Variants in ITSN1 observed in about 807,000 individuals in gnomAD.
ITSN1 encodes intersectin-1.
In ITSN1, 58 loss-of-function variants were observed where a neutral mutation model predicts 239.8. That is an observed-to-expected ratio of 0.24 (90% CI 0.20 to 0.30). The LOEUF is 0.30. Ranked by LOEUF, ITSN1 falls within the 10% of genes least tolerant of loss-of-function variation. ITSN1 has a pLI of 1.00. For missense variants in ITSN1, 1,558 were observed against 2,103.3 expected (o/e 0.74, Z 5.07); for synonymous variants, 780 against 770.8 (o/e 1.01, Z -0.20).
Position 33,829,889 on chromosome 21 carries a change from CTG to C in ITSN1, c.3351+148_3351+149del, listed in dbSNP as rs2074191345. The C allele has an allele frequency of 8.6e-6, 8 of 931,914 alleles. No individual in the cohort carries two copies. The East Asian group carries it at 1.9e-4, about 22-fold the overall frequency. 57.7% of individuals were successfully genotyped at this position (931,914 alleles called of 1,614,324 possible). On this transcript the variant is annotated intron_variant, in intron 27 of 39. Coordinates refer to ENST00000381318, the MANE Select transcript of ITSN1 (RefSeq NM_003024.3). ...TGGATAGTGAGAGATGCCAAATTTTCTGTGTTTGTTTGGTTCCTAAGTTTCAG... is the reference window on the plus strand; with the variant it reads ...TGGATAGTGAGAGATGCCAAATTTTCTGTTTGTTTGGTTCCTAAGTTTCAG...
intron 3 of ITSN1, chr21:33,721,856 A>T (rs572959698): frequency 6.6e-6 from 1 of 152,080 alleles, no homozygotes; most frequent in South Asian, 2.1e-4. Flanking sequence ...TAAAAAGTGG[A>T]ATCTTTATTT....
At chr21:33,694,255 G>A (rs932828380) in intron 1 of ITSN1, among the ~76,000 whole-genome samples, 2 of 152,140 alleles carry the variant, frequency 1.3e-5, no homozygotes, top group East Asian at 3.9e-4. Flanking sequence ...TCAAACTCCT[G>A]GGCTCAAGGA....
At chr21:33,820,427 G>A (rs2834266) in intron 24 of ITSN1, among the ~76,000 whole-genome samples, 16,634 of 152,162 alleles carry the variant, frequency 0.11, 1,180 homozygotes, top group East Asian at 0.29. Flanking sequence ...TTCTTTATGG[G>A]TTCCTTGAAT....
intron 26 of ITSN1, among the ~76,000 whole-genome samples, chr21:33,828,344 C>T (rs1308821147): frequency 6.6e-6 from 1 of 152,240 alleles, no homozygotes; most frequent in Non-Finnish European, 1.5e-5. Context: ...CCAGCTGGAG[C>T]TCCCAGTCAG....
intron 28 of ITSN1, 139 bp downstream of exon 28, chr21:33,834,563 C>A: frequency 1.5e-6 from 1 of 665,484 alleles, no homozygotes. Context: ...GACTGACACC[C>A]AACTAATGTG....
chr21:33,712,495 A>T (rs2092443475), intron 1 of ITSN1, among the ~76,000 whole-genome samples: 2 of 152,208 alleles, frequency 1.3e-5, no homozygotes, highest in Admixed American at 1.3e-4. Context: ...TGTGAGCCTA[A>T]GACAAGCGGG....
At chr21:33,725,120 A>ATTTT (rs1393697813) in intron 4 of ITSN1, among the ~76,000 whole-genome samples, 5 of 118,756 alleles carry the variant, frequency 4.2e-5, no homozygotes, top group Admixed American at 8.7e-5. Context: ...AAAAAAAAAA[A>ATTTT]TTTTTTTTTT....
chr21:33,832,352 A>G (rs1158491871), intron 27 of ITSN1, among the ~76,000 whole-genome samples: 3 of 152,114 alleles, frequency 2.0e-5, no homozygotes, highest in Non-Finnish European at 4.4e-5. Context: ...ATTTTATATT[A>G]CTTTGCTTTC....
intron 5 of ITSN1, among the ~76,000 whole-genome samples, chr21:33,736,866 T>A (rs1365452943): frequency 1.3e-5 from 2 of 152,076 alleles, no homozygotes; most frequent in African/African-American, 4.8e-5. Flanking sequence ...GTGCCTATAG[T>A]CCCAGCCACT....
At chr21:33,852,658 T>G (rs927501728) in intron 29 of ITSN1, among the ~76,000 whole-genome samples, 1 of 152,096 alleles carries the variant, frequency 6.6e-6, no homozygotes, top group Non-Finnish European at 1.5e-5. Flanking sequence ...GCACACAGAT[T>G]AGGAATTTTA....
intron 31 of ITSN1, 60 bp downstream of exon 31, chr21:33,858,852 C>A: frequency 1.1e-6 from 1 of 935,496 alleles, no homozygotes; most frequent in South Asian, 1.4e-5. Context: ...TGCACTCGCA[C>A]CTCTGTGGGT....
rs117835063 is a variant in ITSN1 at position 33,689,230 on chromosome 21, C to G, written c.-32-29567C>G. The G allele has an allele frequency of 4.5e-3, 684 of 152,372 alleles. 2 individuals carry two copies. Among genetic ancestry groups the G allele is most frequent in the Non-Finnish European group, 8.0e-3 (545 of 68,042 alleles). The allele number at this position is 152,372 out of a possible 1,614,324, so 9.4% of individuals were successfully genotyped here. On this transcript the variant is annotated intron_variant, in intron 1 of 39. Coordinates refer to ENST00000381318, the MANE Select transcript of ITSN1 (RefSeq NM_003024.3). ...CATTCTCTTGGTATGCTTCTATAAA[C>G]TACCAGTGCTCAATTTTTCTTTTCA...
chr21:33,833,527 C>T (rs1417896149), intron 27 of ITSN1, among the ~76,000 whole-genome samples: 1 of 152,168 alleles, frequency 6.6e-6, no homozygotes, highest in Non-Finnish European at 1.5e-5. Context: ...ATACTATTAT[C>T]CTTCTGGAAT....
chr21:33,813,882 G>A (rs202020570), intron 21 of ITSN1, 31 bp from the exon 22 acceptor site: 159 of 1,589,762 alleles, frequency 1.0e-4, no homozygotes, highest in Non-Finnish European at 5.5e-5. Context: ...GGGAGTGCTT[G>A]TTATTCATGG....
intron 6 of ITSN1, 129 bp downstream of exon 6, chr21:33,750,451 AT>A: frequency 1.2e-6 from 1 of 849,714 alleles, no homozygotes; most frequent in Non-Finnish European, 1.8e-6. Flanking sequence ...AAATATCTTT[AT>A]TTTTTTCACT....
At chr21:33,662,475 G>A (rs549493655) in intron 1 of ITSN1, among the ~76,000 whole-genome samples, 1 of 152,124 alleles carries the variant, frequency 6.6e-6, no homozygotes, top group South Asian at 2.1e-4. Context: ...TGAGCAAATA[G>A]GTGATGGGGT....
intron 27 of ITSN1, among the ~76,000 whole-genome samples, chr21:33,831,353 C>A (rs1005620665): frequency 6.6e-6 from 1 of 152,134 alleles, no homozygotes; most frequent in Admixed American, 6.5e-5. Context: ...AAGGCTTGAA[C>A]GGATATAGGA....
intron 1 of ITSN1, among the ~76,000 whole-genome samples, chr21:33,647,118 A>G (rs2088031496): frequency 6.6e-6 from 1 of 152,234 alleles, no homozygotes; most frequent in African/African-American, 2.4e-5. Flanking sequence ...AGTTTTGAAA[A>G]TAAATACTAA....
chr21:33,677,849 A>G (rs1266324976), intron 1 of ITSN1, among the ~76,000 whole-genome samples: 1 of 152,154 alleles, frequency 6.6e-6, no homozygotes, highest in East Asian at 1.9e-4. Context: ...GACCACTCCT[A>G]ATCATTTCCA....
Sources: gnomAD v4.1 joint callset for allele counts (sites outside exome capture counted in the v4.1 genomes callset) on GRCh38, gnomAD v4.1.1 for gene constraint, MANE v1.5 for transcripts, NCBI Gene and HGNC (gene_info 2026-07-23, HGNC 2026-07-21) for gene names.